The following SLC14A2 variants were observed in gnomAD, a reference collection of about 807,000 sequenced individuals.
The protein encoded by SLC14A2 is urea transporter 2.
Under a neutral mutation model 104.6 loss-of-function variants are expected in SLC14A2, and 91 were observed. That is an observed-to-expected ratio of 0.87 (90% CI 0.73 to 1.04). The LOEUF (loss-of-function observed/expected upper bound fraction) is 1.04, where lower values mean the gene tolerates loss of function less well. Ranked by LOEUF, SLC14A2 falls within the 50% of genes least tolerant of loss-of-function variation. The pLI, the probability that SLC14A2 is intolerant of heterozygous loss-of-function variation, is 0.00. For synonymous variants in SLC14A2, 476 were observed against 466.4 expected (o/e 1.02, Z -0.27); for missense variants, 1,189 against 1,156.0 (o/e 1.03, Z -0.41).
intron 2 of SLC14A2, among the ~76,000 whole-genome samples, chr18:45,553,300 C>T (rs9959391): frequency 2.0e-5 from 3 of 152,168 alleles, no homozygotes; most frequent in African/African-American, 4.8e-5. Flanking sequence ...TTTCAGGCCC[C>T]CTATGTCACT....
the SLC14A2 span, among the ~76,000 whole-genome samples, chr18:45,178,962 G>A: frequency 1.3e-5 from 2 of 152,284 alleles, 1 homozygote; most frequent in Admixed American, 1.3e-4. Flanking sequence ...ACTACTACAA[G>A]TCTACAGAGA....
chr18:45,411,445 C>T (rs1389728477), intron 1 of SLC14A2, among the ~76,000 whole-genome samples: 1 of 152,144 alleles, frequency 6.6e-6, no homozygotes, highest in Non-Finnish European at 1.5e-5. Context: ...ACAACAGAAG[C>T]ACAGTGAAGG....
chr18:45,530,401 A>G (rs1217834430), intron 2 of SLC14A2, among the ~76,000 whole-genome samples: 2 of 152,314 alleles, frequency 1.3e-5, no homozygotes, highest in East Asian at 1.9e-4. Flanking sequence ...AGACTACTAA[A>G]TCTACAAAAA....
intron 1 of SLC14A2, among the ~76,000 whole-genome samples, chr18:45,371,146 T>C (rs1027634957): frequency 6.6e-6 from 1 of 152,172 alleles, no homozygotes; most frequent in Admixed American, 6.5e-5. Context: ...GAGTCAAAAA[T>C]GTTTGATCTT....
intron 2 of SLC14A2, among the ~76,000 whole-genome samples, chr18:45,585,459 TTGAA>T: frequency 6.6e-6 from 1 of 152,322 alleles, no homozygotes; most frequent in Non-Finnish European, 1.5e-5. Flanking sequence ...CAAATAGTAG[TTGAA>T]TGAATGAATG....
intron 1 of SLC14A2, among the ~76,000 whole-genome samples, chr18:45,307,188 G>A (rs750487795): frequency 5.3e-5 from 8 of 151,884 alleles, no homozygotes; most frequent in Non-Finnish European, 7.4e-5. Context: ...AGGCCAAGGC[G>A]GGCAGATCAC....
intron 1 of SLC14A2, among the ~76,000 whole-genome samples, chr18:45,469,027 T>G (rs1203104788): frequency 6.6e-6 from 1 of 152,140 alleles, no homozygotes; most frequent in African/African-American, 2.4e-5. Flanking sequence ...CAGAGATTTG[T>G]GGCCTGATGG....
intron 1 of SLC14A2, among the ~76,000 whole-genome samples, chr18:45,301,667 G>C (rs977534044): frequency 6.6e-6 from 1 of 152,232 alleles, no homozygotes; most frequent in Non-Finnish European, 1.5e-5. Flanking sequence ...TGGCTTGTGT[G>C]TATGGTGAAG....
chr18:45,369,588 C>T (rs144780205), intron 1 of SLC14A2, among the ~76,000 whole-genome samples: 122 of 152,236 alleles, frequency 8.0e-4, no homozygotes, highest in African/African-American at 2.5e-3. Flanking sequence ...TTTATGCTAG[C>T]ATCATTATTC....
chr18:45,420,332 C>A (rs1446624669), intron 1 of SLC14A2, among the ~76,000 whole-genome samples: 1 of 152,178 alleles, frequency 6.6e-6, no homozygotes, highest in Non-Finnish European at 1.5e-5. Context: ...TATACCATAA[C>A]TTCTAGTGTA....
chr18:45,286,189 C>T (rs1445302781), intron 1 of SLC14A2, among the ~76,000 whole-genome samples: 1 of 152,310 alleles, frequency 6.6e-6, no homozygotes, highest in Non-Finnish European at 1.5e-5. Context: ...CAAGCTCTCA[C>T]CTGGGAACTG....
intron 1 of SLC14A2, among the ~76,000 whole-genome samples, chr18:45,344,820 C>T (rs1458898323): frequency 2.0e-5 from 3 of 152,194 alleles, no homozygotes; most frequent in Admixed American, 6.5e-5. Context: ...TGACCCGTCA[C>T]GTAAACCAGT....
intron 2 of SLC14A2, among the ~76,000 whole-genome samples, chr18:45,589,941 C>T (rs1312897608): frequency 6.6e-6 from 1 of 152,122 alleles, no homozygotes; most frequent in East Asian, 1.9e-4. Flanking sequence ...TCCTTAGGAC[C>T]CCAGCAGAAC....
chr18:45,590,262 T>C (rs192981639), intron 2 of SLC14A2, among the ~76,000 whole-genome samples: 8 of 151,850 alleles, frequency 5.3e-5, no homozygotes, highest in African/African-American at 1.9e-4. Context: ...ATAAATGAGA[T>C]AGAGAGCTTC....
At chr18:45,579,111 A>C (rs947388073) in intron 2 of SLC14A2, among the ~76,000 whole-genome samples, 32 of 144,900 alleles carry the variant, frequency 2.2e-4, no homozygotes, top group Middle Eastern at 3.4e-3. Flanking sequence ...GCCTTTGGGG[A>C]CTAGACTCAG....
intron 10 of SLC14A2, among the ~76,000 whole-genome samples, chr18:45,649,556 T>C (rs2045694169): frequency 6.6e-6 from 1 of 152,256 alleles, no homozygotes; most frequent in African/African-American, 2.4e-5. Context: ...TTTCCTCTCT[T>C]CTTCTTCCCC....
intron 2 of SLC14A2, among the ~76,000 whole-genome samples, chr18:45,540,415 A>G (rs2000913): frequency 0.23 from 34,379 of 152,048 alleles, 3,952 homozygotes; most frequent in African/African-American, 0.28. Flanking sequence ...CACTGCTTGG[A>G]GAGTTAGCAA....
intron 1 of SLC14A2, among the ~76,000 whole-genome samples, chr18:45,417,800 G>A (rs2086294320): frequency 6.6e-6 from 1 of 152,108 alleles, no homozygotes; most frequent in African/African-American, 2.4e-5. Context: ...CTCAAATGGA[G>A]GAATTTCAGA....
intron 1 of SLC14A2, among the ~76,000 whole-genome samples, chr18:45,378,808 G>C (rs1256391884): frequency 6.6e-6 from 1 of 151,984 alleles, no homozygotes; most frequent in Non-Finnish European, 1.5e-5. Context: ...ACTGGGTTTT[G>C]CCATGTTGGC....
Sources: allele counts gnomAD v4.1 joint callset (sites outside exome capture counted in the v4.1 genomes callset), GRCh38; gene constraint gnomAD v4.1.1; transcripts MANE v1.5; gene names NCBI Gene and HGNC (gene_info 2026-07-23, HGNC 2026-07-21).